Variants in CTNND2 observed in about 807,000 individuals in gnomAD.
The protein encoded by CTNND2 is catenin delta-2.
A neutral mutation model predicts 144.4 loss-of-function variants in CTNND2; 22 were observed. The observed-to-expected ratio is 0.15, with a 90% CI of 0.11 to 0.22. The LOEUF is 0.22. Ranked by LOEUF, CTNND2 falls within the 10% of genes least tolerant of loss-of-function variation. The probability of loss-of-function intolerance (pLI) is 1.00; values close to 1 mark genes in which losing one functional copy is unlikely to be tolerated. For missense variants in CTNND2, 1,353 were observed against 1,618.8 expected (o/e 0.84, Z 2.82); for synonymous variants, 751 against 695.6 (o/e 1.08, Z -1.25).
intron 2 of CTNND2, among the ~76,000 whole-genome samples, chr5:11,624,044 T>G (rs746895026): frequency 1.3e-5 from 2 of 151,618 alleles, no homozygotes; most frequent in Non-Finnish European, 2.9e-5. Flanking sequence ...GACTTCTTTT[T>G]GTTTATAAAT....
intron 16 of CTNND2, among the ~76,000 whole-genome samples, chr5:11,053,720 CT>C (rs1489693583): frequency 6.7e-6 from 1 of 150,044 alleles, no homozygotes; most frequent in Non-Finnish European, 1.5e-5. Context: ...CAGTTTTTTC[CT>C]CTTAAAGGAA....
chr5:11,810,872 A>ATTTT (rs1561817340), intron 1 of CTNND2, among the ~76,000 whole-genome samples: 28 of 144,764 alleles, frequency 1.9e-4, no homozygotes, highest in African/African-American at 7.0e-4. Flanking sequence ...ATTTTTTTAA[A>ATTTT]AAAAAAGACA....
chr5:11,669,318 A>C (rs976162163), intron 2 of CTNND2, among the ~76,000 whole-genome samples: 1 of 152,086 alleles, frequency 6.6e-6, no homozygotes, highest in Non-Finnish European at 1.5e-5. Flanking sequence ...TATTGTTTGG[A>C]ATAGTTTCAG....
intron 2 of CTNND2, among the ~76,000 whole-genome samples, chr5:11,592,701 T>A (rs1779314886): frequency 1.3e-5 from 2 of 151,242 alleles, no homozygotes; most frequent in Non-Finnish European, 2.9e-5. Context: ...TACCTAAAAA[T>A]TATAATCAAA....
chr5:11,621,368 A>C (rs1004604277), intron 2 of CTNND2, among the ~76,000 whole-genome samples: 1 of 152,156 alleles, frequency 6.6e-6, no homozygotes, highest in Non-Finnish European at 1.5e-5. Flanking sequence ...CAAACATAAA[A>C]ATTTTATATT....
At chr5:11,425,800 A>G (rs866354484) in intron 3 of CTNND2, among the ~76,000 whole-genome samples, 4 of 152,078 alleles carry the variant, frequency 2.6e-5, no homozygotes, top group South Asian at 2.1e-4. Flanking sequence ...GGTATGAATA[A>G]CTTCTCATTG....
At chr5:11,536,652 A>C (rs569653171) in intron 3 of CTNND2, among the ~76,000 whole-genome samples, 1 of 152,004 alleles carries the variant, frequency 6.6e-6, no homozygotes, top group African/African-American at 2.4e-5. Flanking sequence ...GTATGTTCTC[A>C]CTTGCAAGTT....
chr5:11,551,729 G>A (rs2150085419), intron 3 of CTNND2, among the ~76,000 whole-genome samples: 1 of 152,170 alleles, frequency 6.6e-6, no homozygotes, highest in South Asian at 2.1e-4. Context: ...CTCCCCAGTA[G>A]CTGGGATTAC....
intron 14 of CTNND2, among the ~76,000 whole-genome samples, chr5:11,099,713 T>C (rs986602498): frequency 1.2e-4 from 18 of 152,180 alleles, no homozygotes; most frequent in African/African-American, 4.3e-4. Context: ...AAAATAATGA[T>C]TCTGATCTTT....
intron 3 of CTNND2, among the ~76,000 whole-genome samples, chr5:11,461,135 T>TGTAA (rs1464590883): frequency 1.3e-5 from 2 of 152,114 alleles, no homozygotes; most frequent in African/African-American, 2.4e-5. Flanking sequence ...CCTCACTAGA[T>TGTAA]GTAACCCTCA....
chr5:11,492,564 C>T (rs1323501447), intron 3 of CTNND2, among the ~76,000 whole-genome samples: 1 of 149,632 alleles, frequency 6.7e-6, no homozygotes, highest in African/African-American at 2.5e-5. Flanking sequence ...CTTTCTTTCT[C>T]CTATCAGCCA....
chr5:11,651,046 G>A (rs1272901495), intron 2 of CTNND2, among the ~76,000 whole-genome samples: 1 of 152,178 alleles, frequency 6.6e-6, no homozygotes, highest in Non-Finnish European at 1.5e-5. Context: ...AAACAATGGG[G>A]AAAATACCTT....
At chr5:11,147,190 T>C (rs6880938) in intron 12 of CTNND2, among the ~76,000 whole-genome samples, 96,213 of 151,966 alleles carry the variant, frequency 0.63, 30,504 homozygotes, top group East Asian at 0.73. Flanking sequence ...TGTGAAGTGA[T>C]GGGCCTTAAA....
chr5:11,341,657 A>G (rs1389979480), intron 9 of CTNND2, among the ~76,000 whole-genome samples: 1 of 152,222 alleles, frequency 6.6e-6, no homozygotes, highest in Non-Finnish European at 1.5e-5. Context: ...AACAAGTTAC[A>G]TAATACTGTT....
intron 2 of CTNND2, among the ~76,000 whole-genome samples, chr5:11,723,411 T>G (rs1279295208): frequency 6.6e-6 from 1 of 152,142 alleles, no homozygotes; most frequent in Non-Finnish European, 1.5e-5. Flanking sequence ...GATTCATCAG[T>G]CAATGGGCAC....
At chr5:11,861,438 T>C (rs1795499992) in intron 1 of CTNND2, among the ~76,000 whole-genome samples, 1 of 152,232 alleles carries the variant, frequency 6.6e-6, no homozygotes, top group Non-Finnish European at 1.5e-5. Context: ...CTGGGAGTCA[T>C]CTTTTATCCA....
chr5:11,312,516 G>A (rs897436054), intron 9 of CTNND2, among the ~76,000 whole-genome samples: 3 of 152,016 alleles, frequency 2.0e-5, no homozygotes, highest in South Asian at 2.1e-4. Flanking sequence ...TCACTATCAC[G>A]AGAATAGGAT....
chr5:11,164,812 A>G (rs952349596), intron 11 of CTNND2, among the ~76,000 whole-genome samples: 67 of 152,172 alleles, frequency 4.4e-4, no homozygotes, highest in Admixed American at 5.2e-4. Flanking sequence ...ATTTAATTTC[A>G]GCAGAAACCT....
chr5:11,571,779 C>T (rs796765798), intron 2 of CTNND2, among the ~76,000 whole-genome samples: 5 of 152,266 alleles, frequency 3.3e-5, no homozygotes, highest in African/African-American at 1.2e-4. Flanking sequence ...CCCACTTTGT[C>T]CATCTACCTT....
Sources: allele counts gnomAD v4.1 joint callset (sites outside exome capture counted in the v4.1 genomes callset), GRCh38; gene constraint gnomAD v4.1.1; transcripts MANE v1.5; gene names NCBI Gene and HGNC (gene_info 2026-07-23, HGNC 2026-07-21).